Variants in FBXO34 observed in about 807,000 individuals in gnomAD.
The protein encoded by FBXO34 is F-box only protein 34.
In FBXO34, 12 loss-of-function variants were observed where a neutral mutation model predicts 24.5. That is an observed-to-expected ratio of 0.49 (90% CI 0.31 to 0.79). The LOEUF (loss-of-function observed/expected upper bound fraction) is 0.79, where lower values mean the gene tolerates loss of function less well. Ranked by LOEUF, FBXO34 falls within the 30% of genes least tolerant of loss-of-function variation. The pLI is 0.04. For missense variants in FBXO34, 823 were observed against 857.7 expected (o/e 0.96, Z 0.51); for synonymous variants, 320 against 311.9 (o/e 1.03, Z -0.27).
intron 1 of FBXO34, among the ~76,000 whole-genome samples, chr14:55,302,286 A>C (rs564962602): frequency 6.6e-6 from 1 of 152,166 alleles, no homozygotes; most frequent in Admixed American, 6.5e-5. Context: ...TCTGTCAGCT[A>C]TATAGAGATA....
At chr14:55,424,874 T>G in the FBXO34 span, among the ~76,000 whole-genome samples, 1 of 152,152 alleles carries the variant, frequency 6.6e-6, no homozygotes, top group African/African-American at 2.4e-5. Context: ...GAGCTTCTTC[T>G]CCACACTCCA....
intron 1 of FBXO34, among the ~76,000 whole-genome samples, chr14:55,279,860 T>C (rs1441893380): frequency 1.3e-5 from 2 of 152,202 alleles, no homozygotes; most frequent in African/African-American, 4.8e-5. Flanking sequence ...AAGAATTTGC[T>C]AAGTGCCCCT....
the FBXO34 span, among the ~76,000 whole-genome samples, chr14:55,420,975 G>A: frequency 3.3e-5 from 5 of 151,158 alleles, no homozygotes; most frequent in Non-Finnish European, 5.9e-5. Flanking sequence ...GCAGGAGAAT[G>A]GCGTGAACCC....
chr14:55,440,935 C>T, the FBXO34 span, among the ~76,000 whole-genome samples: 1 of 152,362 alleles, frequency 6.6e-6, no homozygotes, highest in South Asian at 2.1e-4. Context: ...CAACCTCCGC[C>T]TCCCGGGTTC....
chr14:55,398,013 T>G, the FBXO34 span, among the ~76,000 whole-genome samples: 3 of 147,748 alleles, frequency 2.0e-5, no homozygotes, highest in African/African-American at 7.7e-5. Context: ...AGTGGTGCGA[T>G]CTTGGCTCAC....
rs78560304 is a variant in FBXO34 at position 55,277,408 on chromosome 14, G to A, written c.-11+5871G>A. Among the ~76,000 whole-genome samples, 1,264 of 152,298 alleles carry A rather than the reference G, an allele frequency of 8.3e-3. 26 individuals are homozygous for A. Among genetic ancestry groups the A allele is most frequent in the South Asian group, 0.061 (295 of 4,826 alleles). On this transcript the variant is annotated intron_variant, in intron 1 of 1. Transcript: ENST00000313833. ...AATTCATAGCTCACTGTAACATTGAGCTCCTGGGCTCAAGCCGTCCTCCTT... is the reference window on the plus strand; with the variant it reads ...AATTCATAGCTCACTGTAACATTGAACTCCTGGGCTCAAGCCGTCCTCCTT...
chr14:55,369,755 G>A, downstream of FBXO34: 2 of 1,614,190 alleles, frequency 1.2e-6, no homozygotes, highest in Non-Finnish European at 1.7e-6. Context: ...CACAGACTGG[G>A]AAGGGATATC....
chr14:55,351,474 G>A lies in FBXO34; in HGVS notation c.1084G>A (p.Glu362Lys). 1 of 1,614,186 alleles carries A rather than the reference G, an allele frequency of 6.2e-7. No individual in the cohort carries two copies. Among genetic ancestry groups the A allele is most frequent in the South Asian group, 1.1e-5 (1 of 91,086 alleles). ...AAGAGCTGATCGTTGTTCTCCTAAG[G>A]AGGACCAGGCCTGGGACGGTGCTTC... Reference protein sequence around the residue: ...PSRADRCSPKEDQAWDGASQD... With the variant: ...PSRADRCSPKKDQAWDGASQD... The change falls in exon 2 of 2, where the codon GAG becomes AAG. Residue 362 changes from glutamate to lysine, a missense_variant. Glu to Lys is a moderately conservative substitution (Grantham distance 56). Coordinates refer to ENST00000313833, the MANE Select transcript of FBXO34 (RefSeq NM_017943.4).
the FBXO34 span, among the ~76,000 whole-genome samples, chr14:55,385,503 G>T: frequency 6.6e-6 from 1 of 152,222 alleles, no homozygotes; most frequent in African/African-American, 2.4e-5. Context: ...ATGTTGGCCA[G>T]GTTGGTCTCA....
intron 1 of FBXO34, among the ~76,000 whole-genome samples, chr14:55,293,549 G>C (rs1341840437): frequency 6.6e-6 from 1 of 151,850 alleles, no homozygotes; most frequent in East Asian, 1.9e-4. Flanking sequence ...GAGATACTTT[G>C]AGTACAGTAT....
At chr14:55,387,430 C>T in the FBXO34 span, among the ~76,000 whole-genome samples, 2 of 152,130 alleles carry the variant, frequency 1.3e-5, no homozygotes, top group Non-Finnish European at 2.9e-5. Context: ...TTCAGGAAGG[C>T]CCCCCTCCAT....
intron 1 of FBXO34, among the ~76,000 whole-genome samples, chr14:55,342,416 T>C (rs1884022691): frequency 1.3e-5 from 2 of 152,230 alleles, no homozygotes; most frequent in Admixed American, 1.3e-4. Context: ...CATGAATTGA[T>C]TTTAGAGAAT....
At chr14:55,300,465 C>T (rs1376785189) in intron 1 of FBXO34, among the ~76,000 whole-genome samples, 4 of 152,134 alleles carry the variant, frequency 2.6e-5, no homozygotes, top group East Asian at 1.9e-4. Flanking sequence ...CCTGGTGGCA[C>T]GCATCTGTAG....
At chr14:55,362,433 C>T (rs927695127), downstream of FBXO34, among the ~76,000 whole-genome samples, 6 of 152,040 alleles carry the variant, frequency 3.9e-5, no homozygotes, top group South Asian at 2.1e-4. Context: ...GGAAAAATGG[C>T]GCTGATGACT....
the FBXO34 span, among the ~76,000 whole-genome samples, chr14:55,417,218 G>A: frequency 1.3e-5 from 2 of 152,134 alleles, no homozygotes; most frequent in African/African-American, 2.4e-5. Context: ...AGAAGAGTGC[G>A]TGTAACCGGT....
At chr14:55,368,220 G>C (rs936162806), downstream of FBXO34, 1 of 152,432 alleles carries the variant, frequency 6.6e-6, no homozygotes, top group African/African-American at 2.4e-5. Flanking sequence ...CCTGCTGAGG[G>C]AAATTCTTTT....
At chr14:55,338,295 C>T (rs1327956876) in intron 1 of FBXO34, among the ~76,000 whole-genome samples, 7 of 151,738 alleles carry the variant, frequency 4.6e-5, no homozygotes, top group South Asian at 2.1e-4. Flanking sequence ...ATGATCTGCC[C>T]GCCTCGGCCT....
At chr14:55,274,891 A>G (rs549020604) in intron 1 of FBXO34, among the ~76,000 whole-genome samples, 63 of 152,354 alleles carry the variant, frequency 4.1e-4, no homozygotes, top group Admixed American at 8.5e-4. Flanking sequence ...CTATGGTATG[A>G]TGAATGCCTT....
At chr14:55,408,728 G>C in the FBXO34 span, among the ~76,000 whole-genome samples, 2 of 152,128 alleles carry the variant, frequency 1.3e-5, no homozygotes, top group Non-Finnish European at 2.9e-5. Flanking sequence ...CCATGATTGT[G>C]CCAGTGCACT....
Sources: allele counts gnomAD v4.1 joint callset (sites outside exome capture counted in the v4.1 genomes callset), GRCh38; gene constraint gnomAD v4.1.1; transcripts MANE v1.5; gene names NCBI Gene and HGNC (gene_info 2026-07-23, HGNC 2026-07-21).